Variants in GRIK2 observed in about 807,000 individuals in gnomAD.
GRIK2 encodes glutamate receptor ionotropic, kainate 2.
In GRIK2, 32 loss-of-function variants were observed where a neutral mutation model predicts 100.3. The observed-to-expected ratio is 0.32, with a 90% CI of 0.24 to 0.43. The LOEUF (loss-of-function observed/expected upper bound fraction) is 0.43. Among genes scored for constraint, GRIK2 ranks in the 20% least tolerant of loss-of-function variants. The pLI is 1.00. For synonymous variants in GRIK2, 417 were observed against 389.4 expected, an observed-to-expected ratio of 1.07 and a Z score of -0.83; for missense variants, 843 against 1,114.9, an observed-to-expected ratio of 0.76 and a Z score of 3.47.
intron 14 of GRIK2, among the ~76,000 whole-genome samples, chr6:101,984,727 A>G (rs934234857): frequency 2.0e-5 from 3 of 151,580 alleles, no homozygotes; most frequent in Non-Finnish European, 3.0e-5. Context: ...GAATCAATCT[A>G]AAGAGAGTTA....
Position 101,799,750 on chromosome 6 carries a change from C to T in GRIK2, c.1054C>T (p.Pro352Ser). 6.2e-7 allele frequency: 1 copy of T among 1,613,530 alleles called. No homozygotes were observed. The highest frequency in any genetic ancestry group is 8.5e-7 in the Non-Finnish European group (1 of 1,179,554). ...TTCCTTGCAGTGTAATCGACATAAACCCTGGCGCTTCGGGACCCGCTTTAT... is the reference window on the plus strand; with the variant it reads ...TTCCTTGCAGTGTAATCGACATAAATCCTGGCGCTTCGGGACCCGCTTTAT... The part of the protein sequence containing the change: ...VSSLQCNRHK[P>S]WRFGTRFMSL... The change falls in exon 8 of 17, where the codon CCC becomes TCC. Residue 352 changes from proline (P) to serine (S), a missense_variant. By Grantham distance (74) the Pro-to-Ser change is moderately conservative. This residue lies in a region of GRIK2 where 519 missense variants were observed against 643.8 expected (regional missense o/e 0.81). Coordinates refer to ENST00000369134, the MANE Select transcript of GRIK2 (RefSeq NM_021956.5).
intron 16 of GRIK2, chr6:102,064,139 C>A: frequency 1.5e-6 from 1 of 659,998 alleles, no homozygotes; most frequent in Non-Finnish European, 2.7e-6. Flanking sequence ...TCCTAAGGAA[C>A]TGACCTTATT....
intron 2 of GRIK2, among the ~76,000 whole-genome samples, chr6:101,552,031 C>A (rs1776536941): frequency 6.6e-6 from 1 of 151,894 alleles, no homozygotes; most frequent in South Asian, 2.1e-4. Flanking sequence ...TGTCTTCAGG[C>A]TTGGTTGTGG....
At chr6:101,791,037 TG>T (rs1301187005) in intron 7 of GRIK2, among the ~76,000 whole-genome samples, 1 of 152,212 alleles carries the variant, frequency 6.6e-6, no homozygotes, top group Non-Finnish European at 1.5e-5. Flanking sequence ...TGTATTTCTG[TG>T]GGATCGGTGG....
chr6:101,906,150 C>T (rs899584314), intron 12 of GRIK2, among the ~76,000 whole-genome samples: 36 of 151,658 alleles, frequency 2.4e-4, no homozygotes, highest in African/African-American at 7.7e-4. Context: ...AATACATGTA[C>T]CATAGTACAA....
intron 14 of GRIK2, among the ~76,000 whole-genome samples, chr6:102,032,295 C>A (rs144777242): frequency 6.6e-6 from 1 of 151,006 alleles, no homozygotes; most frequent in Non-Finnish European, 1.5e-5. Flanking sequence ...CTGCCAAGAG[C>A]CTTTCAAAAA....
At chr6:101,741,867 A>G (rs1776050195) in intron 7 of GRIK2, among the ~76,000 whole-genome samples, 1 of 152,246 alleles carries the variant, frequency 6.6e-6, no homozygotes. Flanking sequence ...AAAGCAAATA[A>G]TTTAAGCATG....
intron 7 of GRIK2, among the ~76,000 whole-genome samples, chr6:101,765,279 A>G (rs960632486): frequency 6.6e-6 from 1 of 152,298 alleles, no homozygotes; most frequent in Middle Eastern, 3.4e-3. Flanking sequence ...CGTGAACTCC[A>G]TAAAGGCAGA....
At chr6:101,613,041 A>G (rs1779751225) in intron 2 of GRIK2, among the ~76,000 whole-genome samples, 2 of 151,864 alleles carry the variant, frequency 1.3e-5, no homozygotes, top group South Asian at 4.1e-4. Flanking sequence ...CTTTGATTGT[A>G]GTAGCTATAA....
chr6:101,659,109 A>T (rs918639559), intron 4 of GRIK2, among the ~76,000 whole-genome samples: 3 of 151,666 alleles, frequency 2.0e-5, no homozygotes, highest in Admixed American at 6.6e-5. Context: ...TCTGAATCAT[A>T]TTGCCTAGGT....
chr6:101,991,120 T>C (rs2128492196), intron 14 of GRIK2, among the ~76,000 whole-genome samples: 1 of 151,994 alleles, frequency 6.6e-6, no homozygotes. Flanking sequence ...TCTGATAGTT[T>C]TCCTCCATGT....
At chr6:101,944,217 G>A (rs1791134694) in intron 14 of GRIK2, among the ~76,000 whole-genome samples, 1 of 152,114 alleles carries the variant, frequency 6.6e-6, no homozygotes, top group Non-Finnish European at 1.5e-5. Flanking sequence ...CCCTAGCCAT[G>A]TAGAACTTTG....
chr6:102,038,720 A>G (rs1770411980), intron 15 of GRIK2, among the ~76,000 whole-genome samples: 1 of 148,118 alleles, frequency 6.8e-6, no homozygotes, highest in Admixed American at 6.8e-5. Context: ...CTTTCTCAGC[A>G]AGAGTTAATG....
At chr6:101,651,116 T>A (rs1329591732) in intron 4 of GRIK2, among the ~76,000 whole-genome samples, 2 of 151,866 alleles carry the variant, frequency 1.3e-5, no homozygotes, top group Admixed American at 6.6e-5. Context: ...CATCTTCACT[T>A]TCCTAGATTA....
intron 16 of GRIK2, among the ~76,000 whole-genome samples, chr6:102,067,211 T>G (rs1035535730): frequency 6.6e-6 from 1 of 151,768 alleles, no homozygotes; most frequent in Non-Finnish European, 1.5e-5. Flanking sequence ...GTTAGATATG[T>G]CTAATTAGCA....
At chr6:101,423,150 C>T (rs1395710405) in intron 2 of GRIK2, among the ~76,000 whole-genome samples, 1 of 152,180 alleles carries the variant, frequency 6.6e-6, no homozygotes, top group Admixed American at 6.5e-5. Flanking sequence ...CACCCCCATT[C>T]AGACAAACCC....
chr6:101,704,361 A>G (rs1359865056), intron 7 of GRIK2, among the ~76,000 whole-genome samples: 3 of 151,636 alleles, frequency 2.0e-5, no homozygotes, highest in South Asian at 2.1e-4. Flanking sequence ...GGGGGTGAAA[A>G]TTAGGTGGAA....
At chr6:101,916,608 G>A (rs1398080549) in intron 12 of GRIK2, among the ~76,000 whole-genome samples, 2 of 151,562 alleles carry the variant, frequency 1.3e-5, no homozygotes, top group African/African-American at 4.8e-5. Flanking sequence ...CAATAAGAGA[G>A]TAGGAACATT....
intron 2 of GRIK2, among the ~76,000 whole-genome samples, chr6:101,440,925 C>G (rs1770013019): frequency 6.7e-6 from 1 of 150,046 alleles, no homozygotes; most frequent in Admixed American, 6.7e-5. Flanking sequence ...CTGAAGATTA[C>G]AGAAAGGAGA....
Sources: allele counts gnomAD v4.1 joint callset (sites outside exome capture counted in the v4.1 genomes callset), GRCh38; gene constraint gnomAD v4.1.1; regional missense constraint gnomAD v4.1.1; transcripts MANE v1.5; gene names NCBI Gene and HGNC (gene_info 2026-07-23, HGNC 2026-07-21).